The following CLMP variants were observed in gnomAD, a reference collection of about 807,000 sequenced individuals.
The protein encoded by CLMP is CXADR-like membrane protein.
Under a neutral mutation model 45.2 loss-of-function variants are expected in CLMP, and 27 were observed. That is an observed-to-expected ratio of 0.60 (90% CI 0.44 to 0.82). The LOEUF is 0.82. Ranked by LOEUF, CLMP falls within the 40% of genes least tolerant of loss-of-function variation. CLMP has a pLI of 0.00. For synonymous variants in CLMP, 167 were observed against 171.4 expected, an observed-to-expected ratio of 0.97 and a Z score of 0.20; for missense variants, 403 against 448.4, an observed-to-expected ratio of 0.90 and a Z score of 0.91.
chr11:123,192,809 A>C (rs1001453784), intron 1 of CLMP, among the ~76,000 whole-genome samples: 2 of 152,184 alleles, frequency 1.3e-5, no homozygotes, highest in Non-Finnish European at 2.9e-5. Context: ...AAGAGAAGCC[A>C]AAAACCATGC....
chr11:123,126,246 G>A (rs947176630), intron 1 of CLMP, among the ~76,000 whole-genome samples: 1 of 151,960 alleles, frequency 6.6e-6, no homozygotes, highest in African/African-American at 2.4e-5. Context: ...CCCCAGGCAG[G>A]GCCATTCTTT....
chr11:123,107,079 CAG>C (rs1393450157), intron 1 of CLMP, among the ~76,000 whole-genome samples: 2 of 145,960 alleles, frequency 1.4e-5, no homozygotes, highest in Non-Finnish European at 3.0e-5. Context: ...TTTTTTGAGA[CAG>C]GGTCTCAGAT....
chr11:123,100,645 G>T (rs1281441011), intron 1 of CLMP, among the ~76,000 whole-genome samples: 1 of 152,054 alleles, frequency 6.6e-6, no homozygotes, highest in African/African-American at 2.4e-5. Flanking sequence ...ACCCTCAGTT[G>T]TTGTGTTAGA....
chr11:123,134,800 T>C (rs2135511583), intron 1 of CLMP, among the ~76,000 whole-genome samples: 1 of 139,948 alleles, frequency 7.1e-6, no homozygotes, highest in Admixed American at 6.9e-5. Context: ...AGAGTGAGAC[T>C]CCGTCTCAAA....
intron 1 of CLMP, among the ~76,000 whole-genome samples, chr11:123,194,024 T>A (rs1185429449): frequency 3.3e-5 from 5 of 152,172 alleles, no homozygotes; most frequent in Non-Finnish European, 5.9e-5. Flanking sequence ...TGGCTCTCCC[T>A]GACTGCCTTT....
chr11:123,121,366 C>T (rs1386295523), intron 1 of CLMP, among the ~76,000 whole-genome samples: 2 of 152,040 alleles, frequency 1.3e-5, no homozygotes, highest in African/African-American at 4.8e-5. Flanking sequence ...GGCACAATCT[C>T]GGGTCACTGC....
rs779517861 is a variant in CLMP, at chr11:123,074,761, C to G, written c.762G>C (p.Leu254=). 1 of 1,614,138 alleles carries G rather than the reference C, an allele frequency of 6.2e-7. No individual in the cohort carries two copies. Among genetic ancestry groups the G allele is most frequent in the South Asian group, 1.1e-5 (1 of 91,086 alleles). The change falls in exon 6 of 7, where the codon CTG becomes CTC. Residue 254 remains leucine (L), a synonymous_variant. Coordinates refer to ENST00000448775, the MANE Select transcript of CLMP (RefSeq NM_024769.5). ...GALLIFLLVW[L]LIRRKDKERY... ...TTTCTTTGTCTTTCCTTCGGATTAG[C>G]AGCCACACCAAGAGGAAAATCAGCA...
chr11:123,083,305 T>A, intron 4 of CLMP, 98 bp from the exon 5 acceptor site: 1 of 1,153,024 alleles, frequency 8.7e-7, no homozygotes, highest in Non-Finnish European at 1.2e-6. Flanking sequence ...TCCGTAATGC[T>A]ATTTGATAAG....
intron 1 of CLMP, among the ~76,000 whole-genome samples, chr11:123,101,447 A>G (rs1866059020): frequency 1.3e-5 from 2 of 152,126 alleles, no homozygotes; most frequent in African/African-American, 4.8e-5. Flanking sequence ...CTGTTTATTT[A>G]CCAAAATTGA....
chr11:123,141,116 C>CAG (rs1313378658), intron 1 of CLMP, among the ~76,000 whole-genome samples: 1 of 151,214 alleles, frequency 6.6e-6, no homozygotes, highest in Non-Finnish European at 1.5e-5. Context: ...GTACAGCCGG[C>CAG]AGAGCCATGA....
At chr11:123,194,076 C>T (rs2135556358) in intron 1 of CLMP, among the ~76,000 whole-genome samples, 1 of 152,140 alleles carries the variant, frequency 6.6e-6, no homozygotes. Flanking sequence ...CTCCGGTGGG[C>T]TCCTACCACC....
rs149409226 is a variant in CLMP at position 123,073,550 on chromosome 11, T to C, written c.1046A>G (p.His349Arg). The part of the protein sequence containing the change: ...EVRGSEPKKV[H>R]HANLTKAETT... ...TTCTGCTTTGGTCAGATTAGCATGGTGGACTTTCTTTGGTTCAGAACCTCT... is the reference window on the plus strand; with the variant it reads ...TTCTGCTTTGGTCAGATTAGCATGGCGGACTTTCTTTGGTTCAGAACCTCT... The change falls in exon 7 of 7, where the codon CAC becomes CGC. Residue 349 changes from histidine to arginine, a missense_variant. Coordinates refer to ENST00000448775, the MANE Select transcript of CLMP (RefSeq NM_024769.5). 9 of 1,614,102 alleles carry C rather than the reference T, an allele frequency of 5.6e-6. No homozygotes were observed. The African/African-American group carries it at 1.2e-4, about 22-fold the overall frequency.
rs558770132 is a variant in CLMP at position 123,125,898 on chromosome 11, G to A, written c.29-27946C>T. On this transcript the variant is annotated intron_variant, in intron 1 of 6. Transcript: ENST00000448775. ...TTGGATTACAGGCATGAGCCACTGC[G>A]CCCAGCCCACTCTCTTTGCTTTCTG... Among the ~76,000 whole-genome samples, 19 of 152,054 alleles carry A rather than the reference G, an allele frequency of 1.2e-4. No homozygotes were observed. The South Asian group carries it at 3.7e-3, about 30-fold the overall frequency.
chr11:123,128,624 C>A (rs1161392759), intron 1 of CLMP, among the ~76,000 whole-genome samples: 2 of 152,002 alleles, frequency 1.3e-5, no homozygotes, highest in Non-Finnish European at 2.9e-5. Context: ...CACGTCACTG[C>A]ATTCTAGCCT....
At chr11:123,179,831 A>G (rs577393798) in intron 1 of CLMP, among the ~76,000 whole-genome samples, 99 of 152,340 alleles carry the variant, frequency 6.5e-4, no homozygotes, top group Admixed American at 1.2e-3. Flanking sequence ...TTATAGTTTA[A>G]GGAAAGTCCA....
chr11:123,164,926 T>C (rs1861538021), intron 1 of CLMP, among the ~76,000 whole-genome samples: 1 of 152,204 alleles, frequency 6.6e-6, no homozygotes, highest in Non-Finnish European at 1.5e-5. Context: ...CAAAGAATGT[T>C]ATAACATAAT....
At chr11:123,084,849 T>C in intron 2 of CLMP, 136 bp from the exon 3 acceptor site, 1 of 672,414 alleles carries the variant, frequency 1.5e-6, no homozygotes. Context: ...AAGAGACCTC[T>C]GTTCTAAATA....
At chr11:123,156,782 T>C (rs887934356) in intron 1 of CLMP, among the ~76,000 whole-genome samples, 1 of 152,220 alleles carries the variant, frequency 6.6e-6, no homozygotes, top group African/African-American at 2.4e-5. Flanking sequence ...TGCTTCCTTC[T>C]TCTTCCCAGA....
At chr11:123,088,175 G>A (rs1044098245) in intron 2 of CLMP, among the ~76,000 whole-genome samples, 1 of 152,106 alleles carries the variant, frequency 6.6e-6, no homozygotes, top group Non-Finnish European at 1.5e-5. Flanking sequence ...CTCCCAAAGT[G>A]CTGGGATTAC....
Sources: allele counts gnomAD v4.1 joint callset (sites outside exome capture counted in the v4.1 genomes callset), GRCh38; gene constraint gnomAD v4.1.1; transcripts MANE v1.5; gene names NCBI Gene and HGNC (gene_info 2026-07-23, HGNC 2026-07-21).